Variants in TNIP3 observed in about 807,000 individuals in gnomAD.
TNIP3 encodes TNFAIP3-interacting protein 3.
A neutral mutation model predicts 54.1 loss-of-function variants in TNIP3; 34 were observed. The observed-to-expected ratio is 0.63, with a 90% CI of 0.48 to 0.84. The LOEUF (loss-of-function observed/expected upper bound fraction) is 0.84. TNIP3 is among the 40% of genes least tolerant of loss of function. TNIP3 has a pLI of 0.00. For missense variants in TNIP3, 366 were observed against 387.6 expected (o/e 0.94, Z 0.47); for synonymous variants, 134 against 136.8 (o/e 0.98, Z 0.14).
intron 3 of TNIP3, among the ~76,000 whole-genome samples, chr4:121,174,701 T>G (rs1724202793): frequency 6.6e-6 from 1 of 152,238 alleles, no homozygotes; most frequent in Admixed American, 6.5e-5. Context: ...ATTGATCTTT[T>G]TTTTGCTACT....
chr4:121,205,272 C>T (rs1040766295), intron 2 of TNIP3, among the ~76,000 whole-genome samples: 17 of 152,060 alleles, frequency 1.1e-4, no homozygotes, highest in African/African-American at 4.1e-4. Flanking sequence ...AAAGAGCATT[C>T]CCTGTAAAGG....
At chr4:121,217,080 T>C (rs1395610981), upstream of TNIP3, among the ~76,000 whole-genome samples, 2 of 152,262 alleles carry the variant, frequency 1.3e-5, no homozygotes, top group African/African-American at 4.8e-5. Flanking sequence ...AAATTTATTA[T>C]TAAGTTTCAC....
intron 5 of TNIP3, among the ~76,000 whole-genome samples, chr4:121,150,579 A>AG (rs1486592767): frequency 1.3e-5 from 2 of 152,194 alleles, no homozygotes; most frequent in Non-Finnish European, 2.9e-5. Context: ...GCTTAGCCTT[A>AG]GGGAAAATCA....
intron 2 of TNIP3, among the ~76,000 whole-genome samples, chr4:121,186,553 A>G (rs868848576): frequency 6.6e-5 from 10 of 152,334 alleles, no homozygotes; most frequent in South Asian, 2.1e-4. Context: ...TTTAGCTTCT[A>G]TGAACCTTTT....
chr4:121,171,956 C>A (rs1200574929), intron 3 of TNIP3, among the ~76,000 whole-genome samples: 3 of 152,142 alleles, frequency 2.0e-5, no homozygotes, highest in Non-Finnish European at 4.4e-5. Context: ...TTGTCTTGAA[C>A]TTCTGACCTC....
chr4:121,181,993 T>C (rs1260473605), intron 3 of TNIP3, among the ~76,000 whole-genome samples: 1 of 152,206 alleles, frequency 6.6e-6, no homozygotes, highest in Non-Finnish European at 1.5e-5. Context: ...TAAATTACTT[T>C]TTAAAATGCC....
At chr4:121,147,605 A>G (rs979870995) in intron 6 of TNIP3, among the ~76,000 whole-genome samples, 7 of 152,262 alleles carry the variant, frequency 4.6e-5, no homozygotes, top group African/African-American at 1.7e-4. Context: ...GAGGCACTCC[A>G]AATATTTGAG....
chr4:121,219,736 T>G (rs568183700), upstream of TNIP3, among the ~76,000 whole-genome samples: 5 of 152,338 alleles, frequency 3.3e-5, no homozygotes, highest in East Asian at 9.6e-4. Flanking sequence ...ATTGTTTACA[T>G]TTATGTTGCT....
chr4:121,150,530 G>A (rs1017393078), intron 5 of TNIP3, among the ~76,000 whole-genome samples: 1 of 152,108 alleles, frequency 6.6e-6, no homozygotes, highest in African/African-American at 2.4e-5. Flanking sequence ...ACTTTCTCCA[G>A]ATTCTCTGCT....
At chr4:121,135,786 A>G (rs1159428023) in intron 10 of TNIP3, among the ~76,000 whole-genome samples, 1 of 152,218 alleles carries the variant, frequency 6.6e-6, no homozygotes, top group Non-Finnish European at 1.5e-5. Flanking sequence ...GATTAAAAGG[A>G]CCGTTTTAAT....
At chr4:121,161,035 G>A in intron 2 of TNIP3, 101 bp downstream of exon 2, 1 of 930,828 alleles carries the variant, frequency 1.1e-6, no homozygotes, top group Middle Eastern at 2.8e-4. Flanking sequence ...GATAAATACT[G>A]TGACCTGATA....
intron 8 of TNIP3, 40 bp from the exon 9 acceptor site, chr4:121,141,954 A>T: frequency 7.2e-7 from 1 of 1,392,678 alleles, no homozygotes; most frequent in Non-Finnish European, 9.8e-7. Context: ...CCAGTGGGAG[A>T]GACTGAGGAG....
intron 4 of TNIP3, 53 bp from the exon 5 acceptor site, chr4:121,154,732 T>C: frequency 1.3e-6 from 2 of 1,514,902 alleles, no homozygotes; most frequent in Non-Finnish European, 1.8e-6. Flanking sequence ...TCAAATGAGA[T>C]GATATTGTAG....
upstream of TNIP3, among the ~76,000 whole-genome samples, chr4:121,167,241 A>T (rs1352299081): frequency 1.3e-5 from 2 of 152,066 alleles, no homozygotes; most frequent in African/African-American, 2.4e-5. Context: ...ACACATACAT[A>T]TGTGTGTGTG....
At chr4:121,218,702 C>G (rs1451447355), upstream of TNIP3, among the ~76,000 whole-genome samples, 2 of 151,850 alleles carry the variant, frequency 1.3e-5, no homozygotes, top group Non-Finnish European at 2.9e-5. Context: ...AGTGGCTGTT[C>G]ACAGGCACCA....
intron 2 of TNIP3, among the ~76,000 whole-genome samples, chr4:121,190,607 T>A (rs1309880114): frequency 6.6e-6 from 1 of 152,194 alleles, no homozygotes; most frequent in Admixed American, 6.5e-5. Flanking sequence ...GGGACACACC[T>A]GTCTGCTATA....
At position 121,132,482 on chromosome 4, in the gene TNIP3, A is replaced by G. The variant is rs1728529419; in HGVS notation, c.*149T>C. The stretch of plus-strand genomic sequence containing the variant: ...TTAGCTGTCAGAAGCCTTTTCCTGT[A>G]TTCATACCAAAGGAAAACATGACCA... On this transcript the variant is annotated 3_prime_UTR_variant, in exon 11 of 11. Transcript: ENST00000057513. 1 of 689,222 alleles carries G rather than the reference A, an allele frequency of 1.5e-6. No homozygotes were observed. Among genetic ancestry groups the G allele is most frequent in the African/African-American group, 1.8e-5 (1 of 55,022 alleles). 42.7% of individuals were successfully genotyped at this position (689,222 alleles called of 1,614,324 possible).
intron 3 of TNIP3, among the ~76,000 whole-genome samples, chr4:121,173,193 A>G (rs756688411): frequency 3.9e-5 from 6 of 152,206 alleles, no homozygotes; most frequent in Non-Finnish European, 7.3e-5. Flanking sequence ...TCATTTACCA[A>G]TGATGGAAAA....
At chr4:121,144,546 C>A (rs552056218) in intron 7 of TNIP3, among the ~76,000 whole-genome samples, 1 of 152,082 alleles carries the variant, frequency 6.6e-6, no homozygotes, top group East Asian at 1.9e-4. Context: ...TGATTACAGG[C>A]GCGTGCCACC....
Sources: gnomAD v4.1 joint callset for allele counts (sites outside exome capture counted in the v4.1 genomes callset) on GRCh38, gnomAD v4.1.1 for gene constraint, MANE v1.5 for transcripts, NCBI Gene and HGNC (gene_info 2026-07-23, HGNC 2026-07-21) for gene names.